The following CEP43 variants were observed in gnomAD, a reference collection of about 807,000 sequenced individuals.
CEP43 encodes the protein centrosomal protein 43.
Under a neutral mutation model 52.6 loss-of-function variants are expected in CEP43, and 36 were observed. The observed-to-expected ratio is 0.68, with a 90% confidence interval of 0.52 to 0.90. The LOEUF is 0.90. Among genes scored for constraint, CEP43 ranks in the 40% least tolerant of loss-of-function variants. CEP43 has a pLI of 0.00. For missense variants in CEP43, 506 were observed against 472.8 expected, an observed-to-expected ratio of 1.07 and a Z score of -0.65; for synonymous variants, 192 against 172.4, an observed-to-expected ratio of 1.11 and a Z score of -0.89.
chr6:167,043,761 C>A lies in CEP43; in HGVS notation c.*3783C>A, dbSNP rs1173804998. ...ACCTTTGTGAGTTGTCCTAATGCTG[C>A]GTTCAGAGTTCCACACGTTCAACAA... On this transcript the variant is annotated 3_prime_UTR_variant, in exon 13 of 13. Transcript: ENST00000366847. 6.6e-6 allele frequency: 1 copy of A among 152,032 alleles called. No individual in the cohort carries two copies. The allele number at this position is 152,032 out of a possible 1,614,324, so 9.4% of individuals were successfully genotyped here.
chr6:167,007,831 A>G (rs1455395996), intron 5 of CEP43, among the ~76,000 whole-genome samples: 17 of 152,202 alleles, frequency 1.1e-4, no homozygotes, highest in Non-Finnish European at 2.2e-4. Flanking sequence ...GCCGTAGATA[A>G]TTAAAGCCCT....
chr6:167,006,025 G>T (rs1267608663), intron 5 of CEP43, among the ~76,000 whole-genome samples: 6 of 152,168 alleles, frequency 3.9e-5, no homozygotes, highest in Non-Finnish European at 1.5e-5. Context: ...TTCTAGCTCT[G>T]TGAGCCTGCA....
intron 5 of CEP43, among the ~76,000 whole-genome samples, chr6:167,007,138 C>T (rs1448696862): frequency 6.6e-6 from 1 of 152,096 alleles, no homozygotes; most frequent in Non-Finnish European, 1.5e-5. Context: ...CCTTGCACCC[C>T]GTAGCTTTGG....
chr6:167,029,069 G>GT (rs1780413002), intron 10 of CEP43, among the ~76,000 whole-genome samples: 1 of 146,096 alleles, frequency 6.8e-6, no homozygotes, highest in East Asian at 2.3e-4. Flanking sequence ...GTCTTTGTGT[G>GT]TTTTTTTGTT....
chr6:167,050,969 G>T lies in CEP43; in HGVS notation c.*10991G>T, dbSNP rs1780863447. On this transcript the variant is annotated 3_prime_UTR_variant, in exon 13 of 13. Transcript: ENST00000366847. ...TGGAGTTTTATTATTACTCAAATCA[G>T]CCTCCACAAAAATTTGGAGGCTAGG... 1.3e-5 allele frequency: 2 copies of T among 152,018 alleles called. No homozygotes were observed. The highest frequency in any genetic ancestry group is 2.4e-5 in the African/African-American group (1 of 41,386). 9.4% of individuals were successfully genotyped at this position (152,018 alleles called of 1,614,324 possible). A position where few individuals can be genotyped will look rare whatever the true frequency, so the allele number is the denominator to read the frequency against.
At chr6:167,023,604 A>G (rs1030295730) in intron 8 of CEP43, among the ~76,000 whole-genome samples, 6 of 152,156 alleles carry the variant, frequency 3.9e-5, no homozygotes, top group African/African-American at 1.4e-4. Context: ...CTGGAGATGT[A>G]AATTAGGAGT....
rs1780738871 is a variant in CEP43 at position 167,043,311 on chromosome 6, T to G, written c.*3333T>G. The G allele has an allele frequency of 6.6e-6, 1 of 151,580 alleles. No individual in the cohort carries two copies. The highest frequency in any genetic ancestry group is 6.6e-5 in the Admixed American group (1 of 15,250). 9.4% of individuals were successfully genotyped at this position (151,580 alleles called of 1,614,324 possible). ...GGGAGGATTCCCGCCATCAGTTCTC[T>G]GTCCATGGGTGCTAGTCTCACCCCT... On this transcript the variant is annotated 3_prime_UTR_variant, in exon 13 of 13. Coordinates refer to ENST00000366847, the MANE Select transcript of CEP43 (RefSeq NM_007045.4).
At position 167,040,606 on chromosome 6, in the gene CEP43, T is replaced by A; in HGVS notation, c.*628T>A. On this transcript the variant is annotated 3_prime_UTR_variant, in exon 13 of 13. Transcript: ENST00000366847. Reference sequence around the variant, plus strand: ...TAGTTTTGCTTGTTTTAAAGAAATCTAGAAGTGGTTATGAGTTTTAATTCA... The same window carrying A: ...TAGTTTTGCTTGTTTTAAAGAAATCAAGAAGTGGTTATGAGTTTTAATTCA... 1 of 1,045,406 alleles carries A rather than the reference T, an allele frequency of 9.6e-7. No individual in the cohort carries two copies. The highest frequency in any genetic ancestry group is 1.2e-6 in the Non-Finnish European group (1 of 864,108). 64.8% of individuals were successfully genotyped at this position (1,045,406 alleles called of 1,614,324 possible).
At chr6:167,024,681 C>A in intron 8 of CEP43, 101 bp from the exon 9 acceptor site, 1 of 789,328 alleles carries the variant, frequency 1.3e-6, no homozygotes, top group Non-Finnish European at 2.1e-6. Flanking sequence ...AGCCACCACA[C>A]GTATAAAATA....
chr6:167,008,005 G>C (rs1217151715), intron 5 of CEP43, among the ~76,000 whole-genome samples: 3 of 151,906 alleles, frequency 2.0e-5, no homozygotes, highest in Non-Finnish European at 1.5e-5. Context: ...CCCTTCCTCT[G>C]TTCCTTTCTT....
intron 7 of CEP43, among the ~76,000 whole-genome samples, chr6:167,018,387 G>T (rs965405854): frequency 2.0e-5 from 3 of 152,062 alleles, no homozygotes; most frequent in African/African-American, 4.8e-5. Context: ...CATGGTATGT[G>T]TGTGTGTGTG....
chr6:167,027,870 A>G, intron 10 of CEP43: 3 of 985,628 alleles, frequency 3.0e-6, no homozygotes, highest in Non-Finnish European at 3.6e-6. Flanking sequence ...TTTGCAGAAG[A>G]ATAAATGTTC....
At chr6:167,017,443 G>T (rs1222772254) in intron 7 of CEP43, among the ~76,000 whole-genome samples, 1 of 152,168 alleles carries the variant, frequency 6.6e-6, no homozygotes, top group African/African-American at 2.4e-5. Flanking sequence ...TTATACGAGG[G>T]ACTTGAGCAT....
intron 2 of CEP43, among the ~76,000 whole-genome samples, chr6:167,000,353 T>A (rs1779706504): frequency 6.6e-6 from 1 of 152,204 alleles, no homozygotes; most frequent in Non-Finnish European, 1.5e-5. Flanking sequence ...CTGAAACAAA[T>A]GGTCATAGGA....
At chr6:167,017,171 A>G (rs540427137) in intron 7 of CEP43, among the ~76,000 whole-genome samples, 66 of 151,506 alleles carry the variant, frequency 4.4e-4, no homozygotes, top group African/African-American at 1.6e-3. Context: ...AATTTTTTGT[A>G]TTTTTAGTAG....
rs1156678340 is a variant in CEP43, at chr6:167,026,553, G to A, written c.926G>A (p.Arg309Lys). Residue 309 changes from arginine (R) to lysine (K), a missense_variant, in exon 10 of 13, where the codon AGG becomes AAG. Transcript: ENST00000366847. ...TATTTTCTCCTGTTCACAGGTAAAA[G>A]GGGAAATACAGTTTTGAAAGATCTG... is the stretch of plus-strand genomic sequence containing the variant. Reference protein sequence around the residue: ...APSLKDSESKRGNTVLKDLKL... With the variant: ...APSLKDSESKKGNTVLKDLKL... 7 of 1,583,864 alleles carry A rather than the reference G, an allele frequency of 4.4e-6. No homozygotes were observed. The highest frequency in any genetic ancestry group is 1.1e-5 in the South Asian group (1 of 90,438).
rs372433685 is a variant in CEP43 at position 167,036,219 on chromosome 6, ACT to A, written c.1125+2251_1125+2252del. 137 of 985,348 alleles carry A rather than the reference ACT, an allele frequency of 1.4e-4. 1 individual carries two copies. In the African/African-American group the frequency reaches 2.3e-3, roughly 16 times the overall value. The allele number at this position is 985,348 out of a possible 1,614,324, so 61.0% of individuals were successfully genotyped here. A position where few individuals can be genotyped will look rare whatever the true frequency, so the allele number is the denominator to read the frequency against. On this transcript the variant is annotated intron_variant, in intron 12 of 12. Transcript: ENST00000366847. Reference sequence around the variant, plus strand: ...TATTTGACCGGGATTTTGAAAGATGACTCTGACTTGGTTCTGCGAGGGCTGAG... The same window carrying A: ...TATTTGACCGGGATTTTGAAAGATGACTGACTTGGTTCTGCGAGGGCTGAG...
Position 167,033,959 on chromosome 6 carries a change from T to C in CEP43, c.1113T>C (p.Asn371=). The change falls in exon 12 of 13, where the codon AAT becomes AAC. Residue 371 remains asparagine, a synonymous_variant. Coordinates refer to ENST00000366847, the MANE Select transcript of CEP43 (RefSeq NM_007045.4). ...EDLSVEIDDI[N]TSDKLDDLTQ... ...TTTCTGTGGAAATAGATGACATCAA[T>C]ACCAGTGATAAGGTATGGTGTTCTG... The C allele has an allele frequency of 6.5e-7, 1 of 1,527,942 alleles. No individual in the cohort carries two copies. Among genetic ancestry groups the C allele is most frequent in the African/African-American group, 1.4e-5 (1 of 72,882 alleles). The allele number at this position is 1,527,942 out of a possible 1,614,324, so 94.6% of individuals were successfully genotyped here. A position where few individuals can be genotyped will look rare whatever the true frequency, so the allele number is the denominator to read the frequency against.
intron 7 of CEP43, among the ~76,000 whole-genome samples, chr6:167,013,797 A>G (rs1780034795): frequency 6.6e-6 from 1 of 152,178 alleles, no homozygotes; most frequent in Non-Finnish European, 1.5e-5. Flanking sequence ...AACATGGTGA[A>G]ACCCCGCCTC....
Sources: allele counts gnomAD v4.1 joint callset (sites outside exome capture counted in the v4.1 genomes callset), GRCh38; gene constraint gnomAD v4.1.1; transcripts MANE v1.5; gene names NCBI Gene and HGNC (gene_info 2026-07-23, HGNC 2026-07-21).